FBXO25: variants seen among roughly 807,000 people sequenced by gnomAD.
The protein encoded by FBXO25 is F-box only protein 25.
Under a neutral mutation model 51.9 loss-of-function variants are expected in FBXO25, and 45 were observed. That is an observed-to-expected ratio of 0.87 (90% CI 0.68 to 1.11). The LOEUF is 1.11. FBXO25 is among the 50% of genes most tolerant of loss of function. The probability of loss-of-function intolerance (pLI) is 0.00; values close to 1 mark genes in which losing one functional copy is unlikely to be tolerated. For synonymous variants in FBXO25, 199 were observed against 151.0 expected (o/e 1.32, Z -2.33); for missense variants, 507 against 428.5 (o/e 1.18, Z -1.62).
In FBXO25 at chr8:474,585, G is replaced by A; in HGVS notation, c.*5781G>A. On this transcript the variant is annotated 3_prime_UTR_variant, in exon 10 of 10. Coordinates refer to ENST00000350302, the MANE Select transcript of FBXO25 (RefSeq NM_183420.2). ...TAATTGCCATCCTAATGAGTGTGAA[G>A]TGGTATCCTGCTGAGATTTTGATTT... The A allele has an allele frequency of 2.6e-6, 1 of 383,294 alleles. No individual in the cohort carries two copies. The highest frequency in any genetic ancestry group is 5.1e-6 in the Non-Finnish European group (1 of 197,542). 23.7% of individuals were successfully genotyped at this position (383,294 alleles called of 1,614,324 possible).
chr8:462,935 A>G, intron 8 of FBXO25, 72 bp from the exon 9 acceptor site: 3 of 1,512,676 alleles, frequency 2.0e-6, no homozygotes, highest in Non-Finnish European at 2.7e-6. Context: ...ATAAAATGAA[A>G]AAGTTTTACA....
At chr8:454,258 T>G (rs1799275401) in intron 7 of FBXO25, among the ~76,000 whole-genome samples, 1 of 152,234 alleles carries the variant, frequency 6.6e-6, no homozygotes, top group Non-Finnish European at 1.5e-5. Flanking sequence ...ACAAATATAC[T>G]TTGCTGTTTA....
At chr8:461,177 G>A (rs989310146) in intron 8 of FBXO25, among the ~76,000 whole-genome samples, 1 of 152,156 alleles carries the variant, frequency 6.6e-6, no homozygotes, top group African/African-American at 2.4e-5. Context: ...AAGTCACTCT[G>A]TAATACTGAT....
Position 432,892 on chromosome 8 carries a change from A to G in FBXO25, c.245A>G (p.Tyr82Cys), listed in dbSNP as rs368049810. The G allele has an allele frequency of 3.5e-5, 54 of 1,552,526 alleles. No homozygotes were observed. Among genetic ancestry groups the G allele is most frequent in the Non-Finnish European group, 3.8e-5 (44 of 1,154,602 alleles). Residue 82 changes from tyrosine (Y) to cysteine (C), a missense_variant, in exon 4 of 10, where the codon TAT becomes TGT. By Grantham distance (194) the Tyr-to-Cys change is radical. Coordinates refer to ENST00000350302, the MANE Select transcript of FBXO25 (RefSeq NM_183420.2). Reference protein sequence around the residue: ...FRNDTNTQSFYREKWIYVHKE... With the variant: ...FRNDTNTQSFCREKWIYVHKE... ...AAGGTAATTTTTATTCTAGGTTTTT[A>G]TCGTGAAAAATGGATCTATGTCCAT...
chr8:410,343 T>C (rs1170707412), intron 1 of FBXO25, among the ~76,000 whole-genome samples: 1 of 152,212 alleles, frequency 6.6e-6, no homozygotes, highest in Non-Finnish European at 1.5e-5. Flanking sequence ...TCTAGCATAA[T>C]AACATGTAGT....
chr8:429,165 A>G (rs1797671380), intron 2 of FBXO25, among the ~76,000 whole-genome samples: 1 of 152,132 alleles, frequency 6.6e-6, no homozygotes, highest in African/African-American at 2.4e-5. Context: ...CCAACATTGC[A>G]CGAGGGATCC....
intron 8 of FBXO25, among the ~76,000 whole-genome samples, chr8:459,377 C>A (rs939561402): frequency 6.6e-6 from 1 of 152,186 alleles, no homozygotes; most frequent in African/African-American, 2.4e-5. Context: ...CGGACCCTAG[C>A]ATGGGGAGGG....
chr8:435,123 G>C (rs975371956), intron 4 of FBXO25, among the ~76,000 whole-genome samples: 6 of 152,134 alleles, frequency 3.9e-5, no homozygotes, highest in African/African-American at 9.7e-5. Context: ...TGGCTGCTCT[G>C]GAGAGAAATC....
At chr8:467,974 G>T (rs1224640205) in intron 9 of FBXO25, 3 of 1,389,614 alleles carry the variant, frequency 2.2e-6, no homozygotes, top group South Asian at 1.5e-5. Context: ...TGCTGAGGGA[G>T]GCTGCTAGAT....
chr8:438,517 T>C (rs538332423), intron 5 of FBXO25, among the ~76,000 whole-genome samples: 29 of 152,312 alleles, frequency 1.9e-4, no homozygotes, highest in African/African-American at 6.0e-4. Context: ...AAAATAAAGT[T>C]AAGTAGTTTG....
At position 474,491 on chromosome 8, in the gene FBXO25, G is replaced by C. The variant is rs1800584393; in HGVS notation, c.*5687G>C. ...CACTGCCATAAGTGTTTTACACGGTGGCTGCACCATTTTACATTCCCACTG... is the reference window on the plus strand; with the variant it reads ...CACTGCCATAAGTGTTTTACACGGTCGCTGCACCATTTTACATTCCCACTG... On this transcript the variant is annotated 3_prime_UTR_variant, in exon 10 of 10. Transcript: ENST00000350302. 3.0e-6 allele frequency: 1 copy of C among 334,294 alleles called. No homozygotes were observed. The highest frequency in any genetic ancestry group is 2.4e-5 in the South Asian group (1 of 41,808). 20.7% of individuals were successfully genotyped at this position (334,294 alleles called of 1,614,324 possible). A position where few individuals can be genotyped will look rare whatever the true frequency, so the allele number is the denominator to read the frequency against.
intron 9 of FBXO25, among the ~76,000 whole-genome samples, chr8:468,483 C>A (rs530166587): frequency 1.3e-5 from 2 of 152,118 alleles, no homozygotes; most frequent in Non-Finnish European, 2.9e-5. Context: ...GAGGGCAGAC[C>A]TGGGGCCACC....
At chr8:443,100 C>T (rs1798529139) in intron 5 of FBXO25, among the ~76,000 whole-genome samples, 2 of 151,324 alleles carry the variant, frequency 1.3e-5, no homozygotes, top group Admixed American at 1.3e-4. Context: ...AGTCTGACCT[C>T]AGTTGAATTA....
chr8:445,883 C>CA (rs919714498), intron 5 of FBXO25, among the ~76,000 whole-genome samples: 1 of 152,080 alleles, frequency 6.6e-6, no homozygotes. Context: ...CAAAACAAAA[C>CA]AAAAAAACAG....
intron 5 of FBXO25, among the ~76,000 whole-genome samples, chr8:446,079 G>A (rs973944079): frequency 2.6e-4 from 40 of 152,106 alleles, no homozygotes; most frequent in Non-Finnish European, 4.7e-4. Flanking sequence ...TCTCTCCTGA[G>A]TTCAGTCTTC....
intron 7 of FBXO25, among the ~76,000 whole-genome samples, chr8:454,890 C>CAA (rs376342237): frequency 3.6e-5 from 4 of 109,620 alleles, no homozygotes; most frequent in African/African-American, 1.3e-4. Flanking sequence ...GACTCCATCT[C>CAA]AAAAAAAGAA....
chr8:427,416 C>T (rs1289561446), intron 2 of FBXO25, among the ~76,000 whole-genome samples: 19 of 151,044 alleles, frequency 1.3e-4, no homozygotes, highest in African/African-American at 3.7e-4. Flanking sequence ...CAACTTGTTG[C>T]ATTTATGCGA....
chr8:414,654 C>T (rs1246873480), intron 2 of FBXO25, among the ~76,000 whole-genome samples: 2 of 151,994 alleles, frequency 1.3e-5, no homozygotes, highest in African/African-American at 4.8e-5. Flanking sequence ...GATATGTTTT[C>T]TTTGCATAAC....
rs987771523 is a variant in FBXO25 at position 470,983 on chromosome 8, C to T, written c.*2179C>T. The T allele has an allele frequency of 2.0e-5, 3 of 152,134 alleles. No homozygotes were observed. The highest frequency in any genetic ancestry group is 7.2e-5 in the African/African-American group (3 of 41,418). The allele number at this position is 152,134 out of a possible 1,614,324, so 9.4% of individuals were successfully genotyped here. A position where few individuals can be genotyped will look rare whatever the true frequency, so the allele number is the denominator to read the frequency against. ...GTTGTGGTTCTTTCCCCTAATTTGT[C>T]ATATACTGTTACTGTCATTTAATTG... On this transcript the variant is annotated 3_prime_UTR_variant, in exon 10 of 10. Transcript: ENST00000350302.
Sources: gnomAD v4.1 joint callset for allele counts (sites outside exome capture counted in the v4.1 genomes callset) on GRCh38, gnomAD v4.1.1 for gene constraint, MANE v1.5 for transcripts, NCBI Gene and HGNC (gene_info 2026-07-23, HGNC 2026-07-21) for gene names.